CARS2: variants seen among roughly 807,000 people sequenced by gnomAD.
The protein encoded by CARS2 is cysteinyl-tRNA synthetase 2, mitochondrial.
In CARS2, 52 loss-of-function variants were observed where a neutral mutation model predicts 68.8. The ratio of observed to expected loss-of-function variants is 0.76; its 90% CI spans 0.61 to 0.95. The LOEUF is 0.95. CARS2 is among the 40% of genes least tolerant of loss of function. The probability of loss-of-function intolerance (pLI) is 0.00; values close to 1 mark genes in which losing one functional copy is unlikely to be tolerated. For synonymous variants in CARS2, 314 were observed against 303.6 expected, an observed-to-expected ratio of 1.03 and a Z score of -0.36; for missense variants, 780 against 754.2, an observed-to-expected ratio of 1.03 and a Z score of -0.40.
intron 5 of CARS2, among the ~76,000 whole-genome samples, chr13:110,686,242 CTT>C (rs60668690): frequency 0.51 from 68,898 of 135,832 alleles, 17,551 homozygotes; most frequent in Non-Finnish European, 0.62. Flanking sequence ...GCAACTCACG[CTT>C]TTTTTTTTTT....
chr13:110,669,625 A>C (rs912009902), intron 7 of CARS2, among the ~76,000 whole-genome samples: 4 of 152,184 alleles, frequency 2.6e-5, no homozygotes, highest in African/African-American at 9.7e-5. Flanking sequence ...GAACAGCTCC[A>C]GTCTACAGCT....
chr13:110,642,581 C>A lies in CARS2; in HGVS notation c.1417-60G>T, dbSNP rs558215984. On this transcript the variant is annotated intron_variant, in intron 13 of 14. Coordinates refer to ENST00000257347, the MANE Select transcript of CARS2 (RefSeq NM_024537.4). ...GACTGTGGATTGTGGATGCCCCCTC[C>A]CCACCCCGTGGTTGGGCTCTGGGCC... 8.0e-5 allele frequency: 121 copies of A among 1,511,388 alleles called. 1 individual carries two copies. The East Asian group carries it at 2.6e-3, about 33-fold the overall frequency. 93.6% of individuals were successfully genotyped at this position (1,511,388 alleles called of 1,614,324 possible).
chr13:110,660,978 T>A (rs2062488363), intron 9 of CARS2, among the ~76,000 whole-genome samples: 1 of 152,128 alleles, frequency 6.6e-6, no homozygotes, highest in Non-Finnish European at 1.5e-5. Context: ...ACCAGGCTGG[T>A]CTCGAACTCC....
At chr13:110,641,941 C>CCTGT in intron 14 of CARS2, among the ~76,000 whole-genome samples, 1 of 152,318 alleles carries the variant, frequency 6.6e-6, no homozygotes, top group Middle Eastern at 3.4e-3. Context: ...GTGGCTCACG[C>CCTGT]CTGTAATCCT....
chr13:110,690,528 G>A (rs1433708074), intron 3 of CARS2, among the ~76,000 whole-genome samples: 1 of 152,180 alleles, frequency 6.6e-6, no homozygotes, highest in Non-Finnish European at 1.5e-5. Context: ...TGGACACACT[G>A]AGCTGCCTCG....
chr13:110,675,251 A>G (rs1421204242), intron 7 of CARS2, among the ~76,000 whole-genome samples: 2 of 152,246 alleles, frequency 1.3e-5, no homozygotes, highest in East Asian at 3.8e-4. Context: ...ATAAAGACAC[A>G]TGCACACGTA....
At chr13:110,706,314 C>G (rs1466932346), upstream of CARS2, 4 of 314,584 alleles carry the variant, frequency 1.3e-5, no homozygotes, top group African/African-American at 4.4e-5. Context: ...CGGGGAAGGC[C>G]CGGGGTGGAG....
rs764931886 is a variant in CARS2, at chr13:110,705,878, G to A, written c.216C>T (p.Ala72=). 3 of 1,561,980 alleles carry A rather than the reference G, an allele frequency of 1.9e-6. No homozygotes were observed. Among genetic ancestry groups the A allele is most frequent in the East Asian group, 2.4e-5 (1 of 42,018 alleles). The change falls in exon 1 of 15, where the codon GCC becomes GCT. Residue 72 remains alanine, a synonymous_variant. Coordinates refer to ENST00000257347, the MANE Select transcript of CARS2 (RefSeq NM_024537.4). This position sits in a 1 kb window ranked among gnomAD's most constrained non-coding sequence, Gnocchi z 4.0. ...AGTCCCGCGCGGCCCACCAGGAGGCGGCTTCGGCGTGCGCCACGATTAGGG... is the reference window on the plus strand; with the variant it reads ...AGTCCCGCGCGGCCCACCAGGAGGCAGCTTCGGCGTGCGCCACGATTAGGG... ...KEPLIVAHAE[A]ASWYSCGPTV...
chr13:110,708,625 G>C (rs1484962403), upstream of CARS2, among the ~76,000 whole-genome samples: 1 of 151,764 alleles, frequency 6.6e-6, no homozygotes, highest in Admixed American at 6.6e-5. Context: ...GGAGTGCAGT[G>C]GCCTGATCTG....
At position 110,692,811 on chromosome 13, in the gene CARS2, C is replaced by T. The variant is rs545903540; in HGVS notation, c.394-4793G>A. Among the ~76,000 whole-genome samples the T allele has an allele frequency of 1.6e-4, 24 of 151,732 alleles. No homozygotes were observed. The South Asian group carries it at 4.2e-3, about 26-fold the overall frequency. Reference sequence around the variant, plus strand: ...CTTGGGCAACAGCGTGAAACTCTGTCTCAAAAAAGGAATTAATTGGCTGGG... The same window carrying T: ...CTTGGGCAACAGCGTGAAACTCTGTTTCAAAAAAGGAATTAATTGGCTGGG... On this transcript the variant is annotated intron_variant, in intron 3 of 14. Coordinates refer to ENST00000257347, the MANE Select transcript of CARS2 (RefSeq NM_024537.4).
At chr13:110,710,796 C>T (rs1203848328), upstream of CARS2, among the ~76,000 whole-genome samples, 2 of 152,184 alleles carry the variant, frequency 1.3e-5, no homozygotes, top group Non-Finnish European at 2.9e-5. Context: ...CCCCAGCGCA[C>T]GGACCAGTAG....
chr13:110,675,268 T>C (rs959579982), intron 7 of CARS2, among the ~76,000 whole-genome samples: 2 of 152,226 alleles, frequency 1.3e-5, no homozygotes, highest in Non-Finnish European at 2.9e-5. Flanking sequence ...CGTATGTTTA[T>C]TGTGGCACTA....
intron 11 of CARS2, chr13:110,646,534 C>A (rs2139681344): frequency 1.2e-5 from 2 of 169,558 alleles, no homozygotes; most frequent in Non-Finnish European, 2.5e-5. Flanking sequence ...TGGGTTATCA[C>A]CAAGACCATC....
chr13:110,650,894 A>G (rs367962163), intron 10 of CARS2, 140 bp downstream of exon 10: 7 of 660,380 alleles, frequency 1.1e-5, no homozygotes, highest in African/African-American at 3.7e-5. Context: ...TTCACTCTCA[A>G]CCCGAACCGT....
chr13:110,694,579 C>G (rs4529992), intron 3 of CARS2, among the ~76,000 whole-genome samples: 150,300 of 152,134 alleles, frequency 0.99, 74,266 homozygotes, highest in Middle Eastern at 1. Flanking sequence ...GGAGGTTGCG[C>G]TGGGCTGAGA....
intron 9 of CARS2, among the ~76,000 whole-genome samples, chr13:110,657,323 A>T (rs190779096): frequency 1.8e-4 from 27 of 152,366 alleles, no homozygotes; most frequent in African/African-American, 5.8e-4. Context: ...CTCTGGTAGC[A>T]ATCAACATCG....
At chr13:110,660,316 A>G (rs1428104708) in intron 9 of CARS2, among the ~76,000 whole-genome samples, 1 of 152,048 alleles carries the variant, frequency 6.6e-6, no homozygotes, top group East Asian at 1.9e-4. Context: ...ACTTCTTTCA[A>G]ACTCCTGTTA....
chr13:110,653,387 C>T lies in CARS2; in HGVS notation c.988-2287G>A, dbSNP rs1254294297. On this transcript the variant is annotated intron_variant, in intron 9 of 14. Transcript: ENST00000257347. This position sits in a 1 kb window ranked among gnomAD's most constrained non-coding sequence, Gnocchi z 5.6. ...GCAACTCGCAGGCTTACTTGACACC[C>T]TCCCTCACCCGAGGTGCTGTGGTTC... Among the ~76,000 whole-genome samples, 1 of 152,202 alleles carries T rather than the reference C, an allele frequency of 6.6e-6. No individual in the cohort carries two copies. Among genetic ancestry groups the T allele is most frequent in the Non-Finnish European group, 1.5e-5 (1 of 68,046 alleles).
intron 3 of CARS2, among the ~76,000 whole-genome samples, chr13:110,701,116 G>A (rs1316805446): frequency 2.6e-5 from 4 of 151,674 alleles, no homozygotes; most frequent in African/African-American, 9.7e-5. Context: ...AGGTTGGAGT[G>A]CAGTGGCACA....
Sources: gnomAD v4.1 joint callset for allele counts (sites outside exome capture counted in the v4.1 genomes callset) on GRCh38, gnomAD v4.1.1 for gene constraint, Gnocchi (gnomAD v3.1) non-coding constraint, MANE v1.5 for transcripts, NCBI Gene and HGNC (gene_info 2026-07-23, HGNC 2026-07-21) for gene names.